The following WHRN variants were observed in gnomAD, a reference collection of about 807,000 sequenced individuals.
The protein encoded by WHRN is CASK-interacting protein CIP98.
A neutral mutation model predicts 68.3 loss-of-function variants in WHRN; 41 were observed. That is an observed-to-expected ratio of 0.60 (90% CI 0.47 to 0.78). The LOEUF is 0.78. WHRN is among the 30% of genes least tolerant of loss of function. The pLI is 0.00. For missense variants in WHRN, 1,243 were observed against 1,244.7 expected (o/e 1.00, Z 0.02); for synonymous variants, 560 against 561.3 (o/e 1.00, Z 0.03).
intron 1 of WHRN, among the ~76,000 whole-genome samples, chr9:114,493,808 C>G (rs1234329717): frequency 6.6e-6 from 1 of 152,202 alleles, no homozygotes; most frequent in African/African-American, 2.4e-5. Flanking sequence ...CAGGGGAGAA[C>G]AGGGAAGCTG....
chr9:114,453,811 C>T (rs949141554), intron 3 of WHRN, among the ~76,000 whole-genome samples: 1 of 152,178 alleles, frequency 6.6e-6, no homozygotes, highest in African/African-American at 2.4e-5. Context: ...GACTTCCCAA[C>T]TCATTTTGTG....
chr9:114,486,155 T>C (rs1036198387), intron 1 of WHRN, among the ~76,000 whole-genome samples: 1 of 152,090 alleles, frequency 6.6e-6, no homozygotes, highest in Non-Finnish European at 1.5e-5. Context: ...CAAACAGAGG[T>C]CCCAGAAATT....
intron 1 of WHRN, among the ~76,000 whole-genome samples, chr9:114,479,561 G>C (rs948292033): frequency 6.6e-6 from 1 of 152,186 alleles, no homozygotes; most frequent in East Asian, 1.9e-4. Context: ...ACCAAGCACA[G>C]AGTCGACAGA....
chr9:114,491,945 G>C (rs1843008315), intron 1 of WHRN, among the ~76,000 whole-genome samples: 1 of 150,738 alleles, frequency 6.6e-6, no homozygotes, highest in African/African-American at 2.4e-5. Flanking sequence ...GGGTGACAAG[G>C]TTACCCCTTC....
chr9:114,488,726 T>A (rs7851141), intron 1 of WHRN, among the ~76,000 whole-genome samples: 149,021 of 152,308 alleles, frequency 0.98, 72,979 homozygotes, highest in East Asian at 1. Context: ...CCCCAGTAGC[T>A]TATTTTAATG....
At chr9:114,427,675 C>T (rs1564141699) in intron 3 of WHRN, among the ~76,000 whole-genome samples, 1 of 152,176 alleles carries the variant, frequency 6.6e-6, no homozygotes, top group African/African-American at 2.4e-5. Context: ...AACCCTGCTC[C>T]CCAGTTCCCC....
At chr9:114,457,714 G>C (rs1345881042) in intron 3 of WHRN, among the ~76,000 whole-genome samples, 1 of 152,134 alleles carries the variant, frequency 6.6e-6, no homozygotes, top group African/African-American at 2.4e-5. Flanking sequence ...TTAGGAGTTT[G>C]AAACCCGCCT....
At position 114,466,473 on chromosome 9, in the gene WHRN, G is replaced by C. The variant is rs1047490921; in HGVS notation, c.838-81C>G. ...ACAGCAGGCTGCAAAGCCCCCTCTCGTACTTTGAAGAGCGCATCTTATCCG... is the reference window on the plus strand; with the variant it reads ...ACAGCAGGCTGCAAAGCCCCCTCTCCTACTTTGAAGAGCGCATCTTATCCG... On this transcript the variant is annotated intron_variant, in intron 2 of 11. Transcript: ENST00000362057. 5.7e-6 allele frequency: 9 copies of C among 1,589,154 alleles called. No homozygotes were observed. In the South Asian group the frequency reaches 8.8e-5, roughly 16 times the overall value.
chr9:114,449,491 A>T (rs1272401294), intron 3 of WHRN, among the ~76,000 whole-genome samples: 1 of 152,222 alleles, frequency 6.6e-6, no homozygotes, highest in African/African-American at 2.4e-5. Context: ...CCTTGGCGCA[A>T]TTACCACCCT....
intron 3 of WHRN, among the ~76,000 whole-genome samples, chr9:114,456,460 A>G (rs759623463): frequency 3.3e-5 from 5 of 152,210 alleles, no homozygotes; most frequent in Non-Finnish European, 7.3e-5. Context: ...AACCGATCTT[A>G]TAAGACAGAA....
At chr9:114,445,790 A>G (rs961504574) in intron 3 of WHRN, among the ~76,000 whole-genome samples, 2 of 152,200 alleles carry the variant, frequency 1.3e-5, no homozygotes, top group Non-Finnish European at 2.9e-5. Flanking sequence ...GCCTGCTGGC[A>G]TAGATAGGCT....
At chr9:114,467,800 CAA>C (rs1840853054) in intron 2 of WHRN, among the ~76,000 whole-genome samples, 1 of 152,074 alleles carries the variant, frequency 6.6e-6, no homozygotes, top group Non-Finnish European at 1.5e-5. Context: ...AAACCTAGCC[CAA>C]AGAGACGAGA....
intron 7 of WHRN, among the ~76,000 whole-genome samples, chr9:114,415,905 GA>G (rs1012480957): frequency 6.1e-5 from 9 of 148,712 alleles, no homozygotes; most frequent in East Asian, 5.9e-4. Flanking sequence ...ACTTGTTTCT[GA>G]AAAAAAAAAG....
At chr9:114,499,732 G>A (rs1034174014) in intron 1 of WHRN, among the ~76,000 whole-genome samples, 18 of 152,210 alleles carry the variant, frequency 1.2e-4, no homozygotes, top group South Asian at 4.1e-4. Context: ...CCGCTGGTGC[G>A]GCTGCCGGCA....
chr9:114,468,656 A>G lies in WHRN; in HGVS notation c.838-2264T>C. On this transcript the variant is annotated intron_variant, in intron 2 of 11. Transcript: ENST00000362057. ...GGACCAGCCCCAGTTTTCTCCTCAG[A>G]CAGAATGACCACATTAGTAAGGAGG... 1.3e-5 allele frequency among the ~76,000 whole-genome samples: 2 copies of G among 152,074 alleles called. 1 individual carries two copies. Among genetic ancestry groups the G allele is most frequent in the South Asian group, 4.1e-4 (2 of 4,820 alleles).
intron 3 of WHRN, among the ~76,000 whole-genome samples, chr9:114,428,631 G>A (rs1837105006): frequency 6.6e-6 from 1 of 152,120 alleles, no homozygotes. Flanking sequence ...TCTACTGCTG[G>A]GCTGCTGCCC....
chr9:114,426,447 G>C lies in WHRN; in HGVS notation c.964-34C>G, dbSNP rs764421909. 6.8e-6 allele frequency: 11 copies of C among 1,611,490 alleles called. No homozygotes were observed. The Admixed American group carries it at 1.2e-4, about 17-fold the overall frequency. ...ATCACCACACAATACAGTCACCTGG[G>C]CTGTTTGCAGGATTCACACTAGGGA... On this transcript the variant is annotated intron_variant, in intron 3 of 11. Coordinates refer to ENST00000362057, the MANE Select transcript of WHRN (RefSeq NM_015404.4).
intron 2 of WHRN, among the ~76,000 whole-genome samples, chr9:114,469,887 C>G (rs1841056090): frequency 1.3e-5 from 2 of 152,238 alleles, no homozygotes; most frequent in South Asian, 2.1e-4. Context: ...TAGGGGCCAC[C>G]TGCATTCCTT....
At chr9:114,493,106 T>C (rs1843131491) in intron 1 of WHRN, among the ~76,000 whole-genome samples, 1 of 152,064 alleles carries the variant, frequency 6.6e-6, no homozygotes, top group African/African-American at 2.4e-5. Flanking sequence ...TCCCAGTGTT[T>C]TGAGAGGCCG....
Sources: gnomAD v4.1 joint callset for allele counts (sites outside exome capture counted in the v4.1 genomes callset) on GRCh38, gnomAD v4.1.1 for gene constraint, MANE v1.5 for transcripts, NCBI Gene and HGNC (gene_info 2026-07-23, HGNC 2026-07-21) for gene names.